RBFOX1: variants seen among roughly 807,000 people sequenced by gnomAD.
RBFOX1 encodes RNA binding protein fox-1 homolog 1.
Under a neutral mutation model 57.7 loss-of-function variants are expected in RBFOX1, and 8 were observed. The observed-to-expected ratio is 0.14, with a 90% confidence interval of 0.08 to 0.25. RBFOX1 has a LOEUF of 0.25. RBFOX1 is among the 10% of genes least tolerant of loss of function. The pLI is 1.00. For missense variants in RBFOX1, 611 were observed against 548.5 expected (o/e 1.11, Z -1.14); for synonymous variants, 326 against 222.4 (o/e 1.47, Z -4.15).
chr16:5,292,027 C>T (rs903511278), intron 1 of RBFOX1, among the ~76,000 whole-genome samples: 1 of 152,034 alleles, frequency 6.6e-6, no homozygotes, highest in Non-Finnish European at 1.5e-5. Flanking sequence ...AACAACTCCT[C>T]CTTCCCTATG....
Position 7,551,561 on chromosome 16 carries a change from G to A in RBFOX1, c.271-28216G>A, listed in dbSNP as rs191952455. Among the ~76,000 whole-genome samples the A allele has an allele frequency of 2.2e-4, 34 of 152,294 alleles. 1 individual carries two copies. The highest frequency in any genetic ancestry group is 8.2e-4 in the African/African-American group (34 of 41,566). The stretch of plus-strand genomic sequence containing the variant: ...TTTGAGGGAAATGGTCAATAAGTGA[G>A]CAAATAAATGGGGGTGGTTTCAGAA... On this transcript the variant is annotated intron_variant, in intron 5 of 15. Transcript: ENST00000550418.
At chr16:7,584,765 C>T (rs1229190991) in intron 6 of RBFOX1, among the ~76,000 whole-genome samples, 1 of 152,152 alleles carries the variant, frequency 6.6e-6, no homozygotes, top group Non-Finnish European at 1.5e-5. Flanking sequence ...GCGAACTTCC[C>T]AATTAAACTG....
chr16:6,724,753 T>C (rs2066789709), intron 3 of RBFOX1, among the ~76,000 whole-genome samples: 1 of 152,070 alleles, frequency 6.6e-6, no homozygotes, highest in African/African-American at 2.4e-5. Flanking sequence ...TTATTCTAAG[T>C]TCTGGGGTAC....
At position 5,490,311 on chromosome 16, in the gene RBFOX1, A is replaced by C. The variant is rs529863194; in HGVS notation, c.258+23057A>C. ...TTCATTAAGTCCTCATTGCAACCCC[A>C]CGATGTGGGTGGTATCACCTGCCCC... On this transcript the variant is annotated intron_variant, in intron 2 of 2. Coordinates refer to the RBFOX1 transcript ENST00000585867. Among the ~76,000 whole-genome samples, 64 of 152,278 alleles carry C rather than the reference A, an allele frequency of 4.2e-4. 1 individual carries two copies. The highest frequency in any genetic ancestry group is 1.5e-3 in the African/African-American group (64 of 41,554).
chr16:7,447,627 A>T (rs1052318653), intron 4 of RBFOX1, among the ~76,000 whole-genome samples: 1 of 152,170 alleles, frequency 6.6e-6, no homozygotes, highest in African/African-American at 2.4e-5. Context: ...TAAAGTGGTC[A>T]AGAGCTGTAT....
At chr16:6,191,009 G>C (rs1373468401) in intron 1 of RBFOX1, among the ~76,000 whole-genome samples, 2 of 151,940 alleles carry the variant, frequency 1.3e-5, no homozygotes, top group African/African-American at 2.4e-5. Context: ...GATTCTGTCT[G>C]CTTGTGCATT....
intron 3 of RBFOX1, among the ~76,000 whole-genome samples, chr16:6,675,698 AAG>A (rs1256668857): frequency 6.6e-6 from 1 of 152,232 alleles, no homozygotes; most frequent in African/African-American, 2.4e-5. Context: ...GGCGGCAGGC[AAG>A]AGAGAATGAG....
chr16:7,235,343 C>T (rs1295825309), intron 4 of RBFOX1, among the ~76,000 whole-genome samples: 2 of 152,110 alleles, frequency 1.3e-5, no homozygotes, highest in Non-Finnish European at 2.9e-5. Context: ...GTATTTTTGG[C>T]TCTTGGCTTA....
intron 3 of RBFOX1, among the ~76,000 whole-genome samples, chr16:6,724,499 C>T (rs1170820294): frequency 6.6e-6 from 1 of 152,114 alleles, no homozygotes; most frequent in Non-Finnish European, 1.5e-5. Flanking sequence ...TTAGCCACCA[C>T]ACCTGGCTGC....
chr16:6,755,523 C>T lies in RBFOX1; in HGVS notation c.-16+100873C>T, dbSNP rs368727893. Reference sequence around the variant, plus strand: ...CTCCTGTTTTAATGCCAAGATAACCCGTCAGAACACCTGAAATATTTGCTA... The same window carrying T: ...CTCCTGTTTTAATGCCAAGATAACCTGTCAGAACACCTGAAATATTTGCTA... On this transcript the variant is annotated intron_variant, in intron 3 of 15. Coordinates refer to ENST00000550418, the MANE Select transcript of RBFOX1 (RefSeq NM_018723.4). Among the ~76,000 whole-genome samples the T allele has an allele frequency of 2.0e-4, 30 of 152,194 alleles. No homozygotes were observed. The South Asian group carries it at 2.5e-3, about 13-fold the overall frequency.
At chr16:7,683,836 A>G (rs1457113203) in intron 14 of RBFOX1, among the ~76,000 whole-genome samples, 1 of 120,358 alleles carries the variant, frequency 8.3e-6, no homozygotes, top group East Asian at 2.0e-4. Flanking sequence ...AGCCATTTCT[A>G]TTGCTAAAAA....
At chr16:7,233,669 C>G (rs1603419003) in intron 4 of RBFOX1, among the ~76,000 whole-genome samples, 1 of 152,128 alleles carries the variant, frequency 6.6e-6, no homozygotes, top group Non-Finnish European at 1.5e-5. Flanking sequence ...ACAAGAAATG[C>G]GACCTTAGCA....
rs192240333 is a variant in RBFOX1, at chr16:6,644,021, T to G, written c.-63-10582T>G. Reference sequence around the variant, plus strand: ...TGCACCTGTAATCCCAGCTACTAGGTAGGCTGAGGCAGGAGAATCGTTTGA... The same window carrying G: ...TGCACCTGTAATCCCAGCTACTAGGGAGGCTGAGGCAGGAGAATCGTTTGA... On this transcript the variant is annotated intron_variant, in intron 2 of 15. Coordinates refer to ENST00000550418, the MANE Select transcript of RBFOX1 (RefSeq NM_018723.4). 2.0e-5 allele frequency among the ~76,000 whole-genome samples: 3 copies of G among 152,000 alleles called. No homozygotes were observed. In the East Asian group the frequency reaches 5.8e-4, roughly 29 times the overall value.
At chr16:7,175,714 C>T (rs1473939985) in intron 4 of RBFOX1, among the ~76,000 whole-genome samples, 4 of 152,180 alleles carry the variant, frequency 2.6e-5, no homozygotes, top group Non-Finnish European at 4.4e-5. Flanking sequence ...GTTACCTCTT[C>T]CAGCCACGCA....
intron 4 of RBFOX1, among the ~76,000 whole-genome samples, chr16:7,507,887 A>C (rs67492321): frequency 0.14 from 20,463 of 150,238 alleles, 1,608 homozygotes; most frequent in East Asian, 0.42. Flanking sequence ...TTAAAAGAAT[A>C]CATAAGGAGC....
At chr16:6,956,178 G>T (rs1300543430) in intron 3 of RBFOX1, among the ~76,000 whole-genome samples, 1 of 152,200 alleles carries the variant, frequency 6.6e-6, no homozygotes, top group Non-Finnish European at 1.5e-5. Context: ...GAATGAGGAA[G>T]GATGAGAATG....
intron 2 of RBFOX1, among the ~76,000 whole-genome samples, chr16:6,623,320 C>A (rs1479396359): frequency 6.6e-6 from 1 of 152,022 alleles, no homozygotes; most frequent in African/African-American, 2.4e-5. Context: ...CAGTGGGGAG[C>A]AGAGATGCTG....
intron 2 of RBFOX1, among the ~76,000 whole-genome samples, chr16:6,504,936 A>T (rs1191705708): frequency 6.6e-5 from 10 of 152,036 alleles, no homozygotes; most frequent in Admixed American, 4.6e-4. Flanking sequence ...TAACTGGGCT[A>T]GTGGCAGGTG....
intron 4 of RBFOX1, among the ~76,000 whole-genome samples, chr16:7,159,140 C>T (rs893726838): frequency 2.0e-5 from 3 of 152,102 alleles, no homozygotes; most frequent in Non-Finnish European, 4.4e-5. Flanking sequence ...AGACTGGCTT[C>T]TTTTTCTCTG....
Sources: allele counts gnomAD v4.1 joint callset (sites outside exome capture counted in the v4.1 genomes callset), GRCh38; gene constraint gnomAD v4.1.1; transcripts MANE v1.5; gene names NCBI Gene and HGNC (gene_info 2026-07-23, HGNC 2026-07-21).